The following TMEM178A variants were observed in gnomAD, a reference collection of about 807,000 sequenced individuals.
TMEM178A encodes transmembrane protein 178.
TMEM178A carries 12 observed loss-of-function variants against 29.1 expected under a neutral mutation model. The observed-to-expected ratio is 0.41, with a 90% CI of 0.26 to 0.67. TMEM178A has a LOEUF of 0.67. TMEM178A is among the 30% of genes least tolerant of loss of function. The pLI, the probability that TMEM178A is intolerant of heterozygous loss-of-function variation, is 0.29. For synonymous variants in TMEM178A, 210 were observed against 187.2 expected (o/e 1.12, Z -0.99); for missense variants, 366 against 419.1 (o/e 0.87, Z 1.11).
In TMEM178A at chr2:39,688,987, G is replaced by A. The variant is rs138269024; in HGVS notation, c.401-15094G>A. Among the ~76,000 whole-genome samples the A allele has an allele frequency of 3.0e-3, 463 of 152,246 alleles. 4 individuals are homozygous for A. Among genetic ancestry groups the A allele is most frequent in the African/African-American group, 0.011 (446 of 41,558 alleles). On this transcript the variant is annotated intron_variant, in intron 1 of 3. Transcript: ENST00000281961. ...TATGTTTAAATTTTTTTCACACTCTGAGCAGAGCTATTGCCCTTGTCTATA... is the reference window on the plus strand; with the variant it reads ...TATGTTTAAATTTTTTTCACACTCTAAGCAGAGCTATTGCCCTTGTCTATA...
intron 1 of TMEM178A, among the ~76,000 whole-genome samples, chr2:39,703,845 A>T (rs1265613903): frequency 6.6e-6 from 1 of 152,212 alleles, no homozygotes; most frequent in Non-Finnish European, 1.5e-5. Context: ...AGGTAAAACA[A>T]GCTCCGTATG....
intron 3 of TMEM178A, among the ~76,000 whole-genome samples, chr2:39,708,707 G>A (rs940567426): frequency 2.6e-5 from 4 of 152,020 alleles, no homozygotes; most frequent in Non-Finnish European, 2.9e-5. Context: ...GTGAGCCACC[G>A]CGCCCGGCCG....
intron 1 of TMEM178A, among the ~76,000 whole-genome samples, chr2:39,682,583 A>G (rs1670912254): frequency 6.6e-6 from 1 of 152,160 alleles, no homozygotes; most frequent in Non-Finnish European, 1.5e-5. Flanking sequence ...AATAGTTCCC[A>G]GGTGAGGTTT....
chr2:39,674,659 T>C (rs1469974832), intron 1 of TMEM178A, among the ~76,000 whole-genome samples: 2 of 152,052 alleles, frequency 1.3e-5, no homozygotes, highest in South Asian at 4.1e-4. Context: ...CAATAACTTA[T>C]GGAAAAACAA....
intron 1 of TMEM178A, among the ~76,000 whole-genome samples, chr2:39,693,702 T>C (rs1398538443): frequency 6.6e-6 from 1 of 152,158 alleles, no homozygotes; most frequent in Non-Finnish European, 1.5e-5. Flanking sequence ...TTCTCTTTAG[T>C]CTTGAGTTGT....
chr2:39,705,041 A>C (rs1671964674), intron 2 of TMEM178A, among the ~76,000 whole-genome samples: 1 of 152,242 alleles, frequency 6.6e-6, no homozygotes, highest in Admixed American at 6.5e-5. Context: ...GTGGTCTAAT[A>C]TACATATTAT....
At chr2:39,708,633 G>A (rs1261342297) in intron 3 of TMEM178A, among the ~76,000 whole-genome samples, 2 of 151,544 alleles carry the variant, frequency 1.3e-5, no homozygotes, top group South Asian at 2.1e-4. Flanking sequence ...TAGCCAGGAT[G>A]GTCTCGATCT....
chr2:39,669,466 C>G (rs1431993933), intron 1 of TMEM178A, among the ~76,000 whole-genome samples: 2 of 152,140 alleles, frequency 1.3e-5, no homozygotes, highest in Non-Finnish European at 2.9e-5. Context: ...TAAGAGAAAT[C>G]ACTGGAGCTA....
At chr2:39,735,238 T>G in the TMEM178A span, among the ~76,000 whole-genome samples, 2 of 152,210 alleles carry the variant, frequency 1.3e-5, no homozygotes, top group African/African-American at 2.4e-5. Context: ...GTATCCACTA[T>G]ATGCCAGGAG....
At chr2:39,703,985 A>G in intron 1 of TMEM178A, 96 bp from the exon 2 acceptor site, 2 of 913,280 alleles carry the variant, frequency 2.2e-6, no homozygotes, top group Non-Finnish European at 1.7e-6. Flanking sequence ...CCCATCTCCC[A>G]TTCAACCCAG....
chr2:39,729,984 T>C, the TMEM178A span, among the ~76,000 whole-genome samples: 44 of 152,090 alleles, frequency 2.9e-4, 1 homozygote, highest in African/African-American at 9.9e-4. Flanking sequence ...AAATAAATTA[T>C]CTCCAAAAAA....
chr2:39,734,800 C>T, the TMEM178A span, among the ~76,000 whole-genome samples: 3 of 152,302 alleles, frequency 2.0e-5, no homozygotes, highest in Non-Finnish European at 2.9e-5. Context: ...CTCTACTGTT[C>T]CAAGTTCTTG....
chr2:39,703,953 CT>C (rs1259215987), intron 1 of TMEM178A, 127 bp from the exon 2 acceptor site: 6 of 660,126 alleles, frequency 9.1e-6, no homozygotes, highest in Non-Finnish European at 1.6e-5. Flanking sequence ...GTTTTTATTG[CT>C]CTGAATCAAG....
At chr2:39,708,753 G>C (rs1241074076) in intron 3 of TMEM178A, among the ~76,000 whole-genome samples, 1 of 152,132 alleles carries the variant, frequency 6.6e-6, no homozygotes, top group African/African-American at 2.4e-5. Context: ...TGGGGGTGTG[G>C]AGACAGGGCT....
At position 39,669,303 on chromosome 2, in the gene TMEM178A, C is replaced by T. The variant is rs144215315; in HGVS notation, c.400+2929C>T. Among the ~76,000 whole-genome samples the T allele has an allele frequency of 2.0e-3, 306 of 152,250 alleles. 1 individual carries two copies. Among genetic ancestry groups the T allele is most frequent in the African/African-American group, 7.2e-3 (300 of 41,538 alleles). Reference sequence around the variant, plus strand: ...AATGTAGAGTTGATAATATGGAAAACATTCTCATAATAGGAATTATTTACA... The same window carrying T: ...AATGTAGAGTTGATAATATGGAAAATATTCTCATAATAGGAATTATTTACA... On this transcript the variant is annotated intron_variant, in intron 1 of 3. Coordinates refer to ENST00000281961, the MANE Select transcript of TMEM178A (RefSeq NM_152390.3).
At chr2:39,678,838 A>T (rs1670741552) in intron 1 of TMEM178A, among the ~76,000 whole-genome samples, 1 of 152,190 alleles carries the variant, frequency 6.6e-6, no homozygotes. Flanking sequence ...TCTAGGATCA[A>T]GTCACATAAG....
At chr2:39,718,555 A>C (rs371194136), downstream of TMEM178A, among the ~76,000 whole-genome samples, 23 of 152,366 alleles carry the variant, frequency 1.5e-4, no homozygotes, top group African/African-American at 5.0e-4. Context: ...TCACTTATTT[A>C]GCACTTACTA....
intron 1 of TMEM178A, among the ~76,000 whole-genome samples, chr2:39,680,719 G>C (rs995652844): frequency 1.3e-5 from 2 of 151,974 alleles, no homozygotes; most frequent in African/African-American, 4.8e-5. Flanking sequence ...CTTTGAAGAA[G>C]TTTTGAAAAG....
intron 1 of TMEM178A, among the ~76,000 whole-genome samples, chr2:39,671,796 C>T (rs985418033): frequency 6.6e-6 from 1 of 152,188 alleles, no homozygotes; most frequent in Admixed American, 6.5e-5. Context: ...AGACCGCACT[C>T]TCAAGACTGC....
Sources: allele counts gnomAD v4.1 joint callset (sites outside exome capture counted in the v4.1 genomes callset), GRCh38; gene constraint gnomAD v4.1.1; transcripts MANE v1.5; gene names NCBI Gene and HGNC (gene_info 2026-07-23, HGNC 2026-07-21).